ABCA13: variants seen among roughly 807,000 people sequenced by gnomAD.
The protein encoded by ABCA13 is ATP binding cassette subfamily A member 13, also known as ATP-binding cassette sub-family A member 13.
Under a neutral mutation model 478.7 loss-of-function variants are expected in ABCA13, and 476 were observed. The ratio of observed to expected loss-of-function variants is 0.99; its 90% CI spans 0.92 to 1.07. The LOEUF (loss-of-function observed/expected upper bound fraction) is 1.07, where lower values mean the gene tolerates loss of function less well. Ranked by LOEUF, ABCA13 falls within the 50% of genes least tolerant of loss-of-function variation. ABCA13 has a pLI of 0.00. For missense variants in ABCA13, 6,060 were observed against 5,910.6 expected, an observed-to-expected ratio of 1.03 and a Z score of -0.83; for synonymous variants, 2,252 against 2,158.9, an observed-to-expected ratio of 1.04 and a Z score of -1.20.
intron 3 of ABCA13, among the ~76,000 whole-genome samples, chr7:48,202,210 T>C (rs13243393): frequency 0.2 from 30,927 of 152,174 alleles, 3,398 homozygotes; most frequent in Middle Eastern, 0.26. Flanking sequence ...AGCCTGCTTT[T>C]ATTCTTATCT....
intron 29 of ABCA13, among the ~76,000 whole-genome samples, chr7:48,344,480 C>T (rs1359177294): frequency 2.6e-5 from 4 of 152,198 alleles, no homozygotes; most frequent in East Asian, 3.8e-4. Flanking sequence ...GGTGAACAAT[C>T]GTTAACTTGT....
Position 48,528,329 on chromosome 7 carries a change from A to G in ABCA13, c.14338A>G (p.Ile4780Val). ...EVSLTSGHAI[I>V]RTPMGDAVDL... ...TTCTCTAACTTCAGGACATGCTATC[A>G]TCAGGACTCCCATGGGGTAAGATAC... The change falls in exon 55 of 62, where the codon ATC (isoleucine) becomes GTC (valine). Residue 4780 changes from isoleucine to valine, a missense_variant. This residue lies in a region of ABCA13 where 1,627 missense variants were observed against 1,571.0 expected (regional missense o/e 1.04). Coordinates refer to ENST00000435803, the MANE Select transcript of ABCA13 (RefSeq NM_152701.5). The G allele has an allele frequency of 1.3e-6, 2 of 1,563,998 alleles. No individual in the cohort carries two copies. The highest frequency in any genetic ancestry group is 1.7e-6 in the Non-Finnish European group (2 of 1,153,158).
intron 27 of ABCA13, among the ~76,000 whole-genome samples, chr7:48,326,552 C>T (rs1170287964): frequency 6.6e-6 from 1 of 152,146 alleles, no homozygotes; most frequent in African/African-American, 2.4e-5. Flanking sequence ...CTCATTTATG[C>T]CTTATACCTA....
intron 3 of ABCA13, among the ~76,000 whole-genome samples, chr7:48,205,209 T>A (rs1784774340): frequency 6.6e-6 from 1 of 152,274 alleles, no homozygotes; most frequent in Non-Finnish European, 1.5e-5. Flanking sequence ...GTTATAAAGA[T>A]AATTTCTTAC....
At position 48,638,307 on chromosome 7, in the gene ABCA13, A is replaced by C. The variant is rs372252906; in HGVS notation, c.14838-4981A>C. On this transcript the variant is annotated intron_variant, in intron 59 of 61. Coordinates refer to ENST00000435803, the MANE Select transcript of ABCA13 (RefSeq NM_152701.5). ...CAACCACTTTAATTTGGATCTATGA[A>C]TGGTGGAGTCATTTAAGAAAGTGAC... 2.0e-5 allele frequency among the ~76,000 whole-genome samples: 3 copies of C among 152,198 alleles called. No homozygotes were observed. In the South Asian group the frequency reaches 6.2e-4, roughly 32 times the overall value.
intron 41 of ABCA13, among the ~76,000 whole-genome samples, chr7:48,423,147 G>A (rs987727980): frequency 6.6e-6 from 1 of 152,174 alleles, no homozygotes; most frequent in Non-Finnish European, 1.5e-5. Flanking sequence ...AGCATGTCAG[G>A]GGACAGCCCT....
At chr7:48,375,905 T>C (rs1272231341) in intron 34 of ABCA13, among the ~76,000 whole-genome samples, 1 of 152,192 alleles carries the variant, frequency 6.6e-6, no homozygotes, top group East Asian at 1.9e-4. Context: ...GTATATTTTA[T>C]TGAACTGTAG....
intron 42 of ABCA13, among the ~76,000 whole-genome samples, chr7:48,451,905 C>T: frequency 6.6e-6 from 1 of 152,140 alleles, no homozygotes; most frequent in East Asian, 1.9e-4. Flanking sequence ...AACTAGAGTC[C>T]TTGAATATAA....
At chr7:48,307,675 C>T (rs978824712) in intron 23 of ABCA13, among the ~76,000 whole-genome samples, 4 of 152,048 alleles carry the variant, frequency 2.6e-5, no homozygotes, top group Non-Finnish European at 4.4e-5. Flanking sequence ...ACTTTATAAA[C>T]TTTATTTATT....
In ABCA13 at chr7:48,527,543, C is replaced by T. The variant is rs141058996; in HGVS notation, c.14245-693C>T. 2.2e-3 allele frequency among the ~76,000 whole-genome samples: 338 copies of T among 152,190 alleles called. 1 individual carries two copies. Among genetic ancestry groups the T allele is most frequent in the South Asian group, 4.1e-3 (20 of 4,822 alleles). ...TATATGCTGAGGCACATGATAGAGA[C>T]AAAGTGTAGAAAAGACAGCAAGAAG... is the stretch of plus-strand genomic sequence containing the variant. On this transcript the variant is annotated intron_variant, in intron 54 of 61. Transcript: ENST00000435803.
At chr7:48,387,763 A>G (rs1815407525) in intron 35 of ABCA13, 59 bp from the exon 36 acceptor site, 2 of 1,316,172 alleles carry the variant, frequency 1.5e-6, no homozygotes, top group Non-Finnish European at 2.1e-6. Flanking sequence ...AAGATATTCT[A>G]ATACAGTACC....
At position 48,233,968 on chromosome 7, in the gene ABCA13, A is replaced by G. The variant is rs756100512; in HGVS notation, c.764-50A>G. ...TTTTTTTCTGGATTACATTAAACAT[A>G]TCAAAATATTCAAACAACTGCTGGT... On this transcript the variant is annotated intron_variant, in intron 7 of 61. Coordinates refer to ENST00000435803, the MANE Select transcript of ABCA13 (RefSeq NM_152701.5). 3 of 1,603,300 alleles carry G rather than the reference A, an allele frequency of 1.9e-6. No individual in the cohort carries two copies. In the African/African-American group the frequency reaches 4.0e-5, roughly 21 times the overall value.
At chr7:48,635,848 A>G (rs550553477) in intron 59 of ABCA13, among the ~76,000 whole-genome samples, 7 of 152,314 alleles carry the variant, frequency 4.6e-5, no homozygotes, top group South Asian at 4.2e-4. Flanking sequence ...TTGAATAACT[A>G]TATTTTTTAT....
intron 15 of ABCA13, among the ~76,000 whole-genome samples, chr7:48,257,264 C>T (rs1793532493): frequency 1.3e-5 from 2 of 152,032 alleles, no homozygotes; most frequent in African/African-American, 4.8e-5. Context: ...TTGGAGACTT[C>T]CTCTCTTCCT....
At position 48,335,608 on chromosome 7, in the gene ABCA13, C is replaced by G; in HGVS notation, c.10113+73C>G. ...GCATGTCCGAGACATCAGGGCTGCC[C>G]TGTAGAAGATTCTACAGAGTCACAT... On this transcript the variant is annotated intron_variant, in intron 28 of 61. Transcript: ENST00000435803. The G allele has an allele frequency of 2.5e-6, 3 of 1,191,286 alleles. No individual in the cohort carries two copies. In the South Asian group the frequency reaches 4.1e-5, roughly 16 times the overall value. 73.8% of individuals were successfully genotyped at this position (1,191,286 alleles called of 1,614,324 possible).
chr7:48,444,854 A>G (rs549448613), intron 42 of ABCA13, among the ~76,000 whole-genome samples: 34 of 152,264 alleles, frequency 2.2e-4, no homozygotes, highest in Admixed American at 1.6e-3. Flanking sequence ...TTGGTCTTAG[A>G]GAATATTGCT....
chr7:48,547,341 TTCCCTGGAACAAAG>T (rs1426731453), intron 55 of ABCA13, among the ~76,000 whole-genome samples: 1 of 151,936 alleles, frequency 6.6e-6, no homozygotes, highest in East Asian at 1.9e-4. Flanking sequence ...TGAATTTCCC[TTCCCTGGAACAAAG>T]TATCTCTTAG....
intron 39 of ABCA13, among the ~76,000 whole-genome samples, chr7:48,406,003 C>T (rs1011141287): frequency 2.0e-5 from 3 of 152,160 alleles, no homozygotes; most frequent in African/African-American, 7.2e-5. Flanking sequence ...CAGCCCAAAC[C>T]TCTAGGTAAT....
chr7:48,553,596 A>G (rs1785518797), intron 55 of ABCA13, among the ~76,000 whole-genome samples: 1 of 151,964 alleles, frequency 6.6e-6, no homozygotes, highest in African/African-American at 2.4e-5. Context: ...CCTGTTTGTC[A>G]TTTGTATGCC....
Sources: gnomAD v4.1 joint callset for allele counts (sites outside exome capture counted in the v4.1 genomes callset) on GRCh38, gnomAD v4.1.1 for gene constraint, gnomAD v4.1.1 regional missense constraint, MANE v1.5 for transcripts, NCBI Gene and HGNC (gene_info 2026-07-23, HGNC 2026-07-21) for gene names.